Variants in RAI14 observed in about 807,000 individuals in gnomAD.
RAI14 encodes retinoic acid induced 14.
RAI14 carries 45 observed loss-of-function variants against 115.4 expected under a neutral mutation model. The observed-to-expected ratio is 0.39, with a 90% confidence interval of 0.31 to 0.50. The LOEUF is 0.50. Ranked by LOEUF, RAI14 falls within the 20% of genes least tolerant of loss-of-function variation. The pLI is 0.85. For synonymous variants in RAI14, 371 were observed against 415.4 expected, an observed-to-expected ratio of 0.89 and a Z score of 1.30; for missense variants, 939 against 1,131.2, an observed-to-expected ratio of 0.83 and a Z score of 2.44.
rs57115550 is a variant in RAI14, at chr5:34,799,685, ATTTTTTTTTT to A, written c.256+3671_256+3680del. 4.8e-5 allele frequency among the ~76,000 whole-genome samples: 5 copies of A among 103,412 alleles called. No homozygotes were observed. In the South Asian group the frequency reaches 9.7e-4, roughly 20 times the overall value. The allele number at this position is 103,412 out of a possible 152,430, so 67.8% of individuals were successfully genotyped here. A position where few individuals can be genotyped will look rare whatever the true frequency, so the allele number is the denominator to read the frequency against. On this transcript the variant is annotated intron_variant, in intron 4 of 17. Transcript: ENST00000265109. ...GTTATAGAAGCAAGAATCTGTTAGC[ATTTTTTTTTT>A]TTTTTTTTTTTTGACACGGAGTCTC...
intron 9 of RAI14, 77 bp from the exon 10 acceptor site, chr5:34,812,103 G>C: frequency 7.3e-7 from 1 of 1,376,718 alleles, no homozygotes; most frequent in Non-Finnish European, 1.0e-6. Flanking sequence ...TGGTGTATGT[G>C]TGTGTATCCC....
chr5:34,663,932 T>C (rs1439853103), intron 1 of RAI14, among the ~76,000 whole-genome samples: 1 of 152,228 alleles, frequency 6.6e-6, no homozygotes, highest in Non-Finnish European at 1.5e-5. Context: ...TCATCTAACC[T>C]TACTTGCGAT....
At position 34,716,508 on chromosome 5, in the gene RAI14, G is replaced by C. The variant is rs576727493; in HGVS notation, c.36+29553G>C. 9.9e-5 allele frequency among the ~76,000 whole-genome samples: 15 copies of C among 152,126 alleles called. No individual in the cohort carries two copies. The East Asian group carries it at 1.9e-3, about 20-fold the overall frequency. On this transcript the variant is annotated intron_variant, in intron 2 of 17. Coordinates refer to ENST00000265109, the MANE Select transcript of RAI14 (RefSeq NM_015577.3). ...GCTCACTGAAACCTCCACCTCCTGGGTTCAAGTGATTCTCCTGCCACGGCC... is the reference window on the plus strand; with the variant it reads ...GCTCACTGAAACCTCCACCTCCTGGCTTCAAGTGATTCTCCTGCCACGGCC...
At chr5:34,807,760 G>A in intron 5 of RAI14, 40 bp from the exon 6 acceptor site, 1 of 1,443,180 alleles carries the variant, frequency 6.9e-7, no homozygotes, top group Non-Finnish European at 9.8e-7. Flanking sequence ...ATTGGGGCAG[G>A]GTATTTTATT....
In RAI14 at chr5:34,808,585, G is replaced by A. The variant is rs150040739; in HGVS notation, c.381G>A (p.Ala127=). ...GTATTTATATTTTCCTTCCCCCAGC[G>A]GCTCAGGGCTGCCTTCAAGCTGTGC... ...SSGKTALHYA[A]AQGCLQAVQI... The change falls in exon 7 of 18, where the codon GCG becomes GCA. Residue 127 remains alanine, a splice_region_variant and synonymous_variant. Coordinates refer to ENST00000265109, the MANE Select transcript of RAI14 (RefSeq NM_015577.3). The A allele has an allele frequency of 6.4e-5, 103 of 1,613,934 alleles. No individual in the cohort carries two copies. Among genetic ancestry groups the A allele is most frequent in the East Asian group, 4.0e-4 (18 of 44,884 alleles).
chr5:34,710,559 T>C (rs1274890366), intron 2 of RAI14, among the ~76,000 whole-genome samples: 1 of 152,128 alleles, frequency 6.6e-6, no homozygotes, highest in African/African-American at 2.4e-5. Flanking sequence ...GGCCACTAAG[T>C]GGGTGGAAGA....
rs868053951 is a variant in RAI14, at chr5:34,676,594, T to C, written c.-48-10278T>C. On this transcript the variant is annotated intron_variant, in intron 1 of 17. Coordinates refer to ENST00000265109, the MANE Select transcript of RAI14 (RefSeq NM_015577.3). ...GTGGATTTGACAGACCAGAAAGTAGTGCTGCCAGAACCACAGCCAATTTTG... is the reference window on the plus strand; with the variant it reads ...GTGGATTTGACAGACCAGAAAGTAGCGCTGCCAGAACCACAGCCAATTTTG... 8.5e-5 allele frequency among the ~76,000 whole-genome samples: 13 copies of C among 152,296 alleles called. 2 individuals are homozygous for C. The Middle Eastern group carries it at 0.024, about 279-fold the overall frequency.
chr5:34,815,030 T>TGAGGTCAG (rs1336219703), intron 12 of RAI14, among the ~76,000 whole-genome samples: 1 of 151,760 alleles, frequency 6.6e-6, no homozygotes, highest in East Asian at 1.9e-4. Context: ...GCAGATCACC[T>TGAGGTCAG]GAGGTCAGGA....
intron 1 of RAI14, among the ~76,000 whole-genome samples, chr5:34,662,800 C>G (rs1435517366): frequency 7.0e-6 from 1 of 141,986 alleles, no homozygotes; most frequent in Admixed American, 7.7e-5. Flanking sequence ...GTGATCTCGG[C>G]TCACTGCAAC....
chr5:34,800,718 T>G (rs1194774979), intron 4 of RAI14, among the ~76,000 whole-genome samples: 8 of 152,214 alleles, frequency 5.3e-5, no homozygotes, highest in Non-Finnish European at 1.2e-4. Context: ...CTTCCAGGTA[T>G]GACTAGAACA....
chr5:34,735,191 T>C (rs989764872), intron 2 of RAI14, among the ~76,000 whole-genome samples: 5 of 152,212 alleles, frequency 3.3e-5, no homozygotes, highest in African/African-American at 1.2e-4. Context: ...AGAAAAAATA[T>C]GGACTGATAG....
intron 7 of RAI14, among the ~76,000 whole-genome samples, chr5:34,809,145 C>G (rs531542416): frequency 6.6e-6 from 1 of 152,194 alleles, no homozygotes; most frequent in Non-Finnish European, 1.5e-5. Flanking sequence ...ACCCTTTTCC[C>G]ATTTGCTCCA....
In RAI14 at chr5:34,757,565, G is replaced by C; in HGVS notation, c.134G>C (p.Ser45Thr). The C allele has an allele frequency of 3.1e-6, 5 of 1,613,794 alleles. No homozygotes were observed. The Admixed American group carries it at 8.3e-5, about 27-fold the overall frequency. The change falls in exon 3 of 18, where the codon AGT (serine) becomes ACT (threonine). Residue 45 changes from serine (S) to threonine (T), a missense_variant. Transcript: ENST00000265109. ...TCACTGCTCGGCAAGAAGGGGGCCAGTGCCACCAAACACGACAGTGAGGGC... is the reference window on the plus strand; with the variant it reads ...TCACTGCTCGGCAAGAAGGGGGCCACTGCCACCAAACACGACAGTGAGGGC... ...VASLLGKKGA[S>T]ATKHDSEGKT...
At chr5:34,752,861 G>A (rs1040509835) in intron 2 of RAI14, among the ~76,000 whole-genome samples, 4 of 150,722 alleles carry the variant, frequency 2.7e-5, no homozygotes, top group African/African-American at 4.9e-5. Flanking sequence ...TCCACCTCCC[G>A]GGTTCAAACG....
intron 2 of RAI14, among the ~76,000 whole-genome samples, chr5:34,709,403 A>C (rs555079969): frequency 5.3e-4 from 81 of 152,276 alleles, no homozygotes; most frequent in Non-Finnish European, 8.7e-4. Context: ...AGCTGAGATC[A>C]TGCCACTGCA....
chr5:34,829,384 C>G lies in RAI14; in HGVS notation c.2800-348C>G, dbSNP rs180931169. ...TGTATTTTTAGTAGAGACGGGGTTT[C>G]ACCATGTTGTCCAGGCTGGTCTCAA... On this transcript the variant is annotated intron_variant, in intron 16 of 17. Coordinates refer to ENST00000265109, the MANE Select transcript of RAI14 (RefSeq NM_015577.3). 2.1e-4 allele frequency among the ~76,000 whole-genome samples: 32 copies of G among 152,208 alleles called. 1 individual carries two copies. Among genetic ancestry groups the G allele is most frequent in the South Asian group, 6.2e-4 (3 of 4,816 alleles).
At chr5:34,803,631 G>A (rs1754538465) in intron 4 of RAI14, 81 bp from the exon 5 acceptor site, 6 of 1,147,616 alleles carry the variant, frequency 5.2e-6, no homozygotes, top group East Asian at 5.2e-5. Context: ...CCTTATAGCT[G>A]TCTTCTCATA....
chr5:34,760,578 A>T (rs1748503956), intron 3 of RAI14, among the ~76,000 whole-genome samples: 1 of 152,134 alleles, frequency 6.6e-6, no homozygotes, highest in African/African-American at 2.4e-5. Flanking sequence ...AAGGGGAGAG[A>T]AAGGTTTATG....
chr5:34,815,833 A>T (rs1232171844), intron 12 of RAI14, among the ~76,000 whole-genome samples: 1 of 152,238 alleles, frequency 6.6e-6, no homozygotes, highest in Admixed American at 6.5e-5. Flanking sequence ...AGTGTGTGAG[A>T]TTAATTAGCT....
Sources: allele counts gnomAD v4.1 joint callset (sites outside exome capture counted in the v4.1 genomes callset), GRCh38; gene constraint gnomAD v4.1.1; transcripts MANE v1.5; gene names NCBI Gene and HGNC (gene_info 2026-07-23, HGNC 2026-07-21).